Variants in UNC79 observed in about 807,000 individuals in gnomAD.
UNC79 encodes unc-79 subunit of NALCN channel complex, also known as protein unc-79 homolog.
UNC79 carries 37 observed loss-of-function variants against 283.1 expected under a neutral mutation model. The observed-to-expected ratio is 0.13, with a 90% CI of 0.10 to 0.17. UNC79 has a LOEUF of 0.17. Ranked by LOEUF, UNC79 falls within the 10% of genes least tolerant of loss-of-function variation. UNC79 has a pLI of 1.00. For synonymous variants in UNC79, 1,107 were observed against 1,200.2 expected, an observed-to-expected ratio of 0.92 and a Z score of 1.61; for missense variants, 2,272 against 3,211.1, an observed-to-expected ratio of 0.71 and a Z score of 7.07.
intron 7 of UNC79, among the ~76,000 whole-genome samples, chr14:93,506,193 G>A (rs185258929): frequency 8.8e-5 from 13 of 148,254 alleles, no homozygotes; most frequent in Admixed American, 7.4e-4. Flanking sequence ...TTTTGCCTTT[G>A]TTTCTTAAGG....
At chr14:93,515,670 G>T (rs2060020854) in intron 7 of UNC79, among the ~76,000 whole-genome samples, 1 of 151,786 alleles carries the variant, frequency 6.6e-6, no homozygotes, top group Non-Finnish European at 1.5e-5. Context: ...ACCTTCTCAG[G>T]TTTGCTTACC....
intron 1 of UNC79, among the ~76,000 whole-genome samples, chr14:93,438,107 T>C (rs1008431757): frequency 6.6e-6 from 1 of 152,190 alleles, no homozygotes; most frequent in African/African-American, 2.4e-5. Context: ...ACAATATGCA[T>C]TCCTATATGA....
chr14:93,494,681 A>T (rs2058936441), intron 5 of UNC79, among the ~76,000 whole-genome samples: 1 of 152,164 alleles, frequency 6.6e-6, no homozygotes, highest in African/African-American at 2.4e-5. Flanking sequence ...AGAATGAAAG[A>T]AATGTGGAGT....
chr14:93,433,548 A>T (rs1170499199), intron 1 of UNC79, among the ~76,000 whole-genome samples: 1 of 149,082 alleles, frequency 6.7e-6, no homozygotes, highest in Non-Finnish European at 1.5e-5. Context: ...AGGTCAGGGA[A>T]TTTTTTTTTT....
intron 46 of UNC79, 118 bp downstream of exon 49, chr14:93,692,064 G>A (rs1207797076): frequency 8.3e-7 from 1 of 1,203,564 alleles, no homozygotes; most frequent in African/African-American, 1.5e-5. Context: ...AAATGGATCG[G>A]GGATATGTTA....
intron 14 of UNC79, among the ~76,000 whole-genome samples, chr14:93,553,856 T>C (rs1173201578): frequency 6.6e-6 from 1 of 152,214 alleles, no homozygotes; most frequent in Non-Finnish European, 1.5e-5. Flanking sequence ...ACAAAATGGT[T>C]AATTAGGTCA....
intron 35 of UNC79, among the ~76,000 whole-genome samples, chr14:93,653,162 G>T (rs2070487168): frequency 1.3e-5 from 2 of 152,064 alleles, no homozygotes; most frequent in Admixed American, 6.6e-5. Context: ...TAAGGGGCAG[G>T]GCCTCATAAA....
At chr14:93,659,993 T>C (rs1266024715) in intron 39 of UNC79, among the ~76,000 whole-genome samples, 1 of 152,186 alleles carries the variant, frequency 6.6e-6, no homozygotes, top group Non-Finnish European at 1.5e-5. Context: ...CTCTCTATAG[T>C]AGCACTTACA....
intron 1 of UNC79, among the ~76,000 whole-genome samples, chr14:93,385,126 T>C (rs1225000576): frequency 6.6e-6 from 1 of 152,218 alleles, no homozygotes; most frequent in Non-Finnish European, 1.5e-5. Context: ...CCTTCAGTTT[T>C]GTTTTTGCTT....
At chr14:93,538,805 A>G (rs1371096165) in intron 12 of UNC79, among the ~76,000 whole-genome samples, 1 of 4,728 alleles carries the variant, frequency 2.1e-4, no homozygotes, top group East Asian at 0.042. Flanking sequence ...TCACATGACC[A>G]AAAAAAAAAA....
At chr14:93,468,678 T>C (rs1167176396) in intron 2 of UNC79, among the ~76,000 whole-genome samples, 2 of 152,240 alleles carry the variant, frequency 1.3e-5, no homozygotes, top group Non-Finnish European at 2.9e-5. Context: ...CGGGAAAAGC[T>C]GAATGCTTTG....
intron 4 of UNC79, among the ~76,000 whole-genome samples, chr14:93,480,565 T>A (rs1001745472): frequency 6.6e-6 from 1 of 152,184 alleles, no homozygotes; most frequent in Admixed American, 6.5e-5. Flanking sequence ...TCTTTGAAAA[T>A]AAATTGTAAT....
intron 1 of UNC79, among the ~76,000 whole-genome samples, chr14:93,356,810 G>A (rs114230753): frequency 0.02 from 2,977 of 152,202 alleles, 91 homozygotes; most frequent in African/African-American, 0.069. Context: ...CTTTATATAA[G>A]GTGAATGGAG....
chr14:93,668,597 C>A lies in UNC79; in HGVS notation c.6637-4754C>A, dbSNP rs1254425425. Among the ~76,000 whole-genome samples the A allele has an allele frequency of 5.3e-5, 8 of 151,814 alleles. No homozygotes were observed. The East Asian group carries it at 1.4e-3, about 26-fold the overall frequency. Reference sequence around the variant, plus strand: ...AAGTGGCTCATGCATGTGATCCTAGCACTTTGGGAGGTGAAGGTGGGTGGA... The same window carrying A: ...AAGTGGCTCATGCATGTGATCCTAGAACTTTGGGAGGTGAAGGTGGGTGGA... On this transcript the variant is annotated intron_variant, in intron 40 of 48. Transcript: ENST00000555664.
chr14:93,478,265 C>T (rs1325498988), intron 4 of UNC79, among the ~76,000 whole-genome samples: 1 of 152,114 alleles, frequency 6.6e-6, no homozygotes, highest in African/African-American at 2.4e-5. Context: ...TTTATGAAAG[C>T]ACTGAAAAAA....
At chr14:93,586,095 T>C (rs1435735526) in intron 20 of UNC79, among the ~76,000 whole-genome samples, 2 of 152,180 alleles carry the variant, frequency 1.3e-5, no homozygotes, top group Non-Finnish European at 2.9e-5. Flanking sequence ...TTGGCCATGC[T>C]GGTCTTGAAC....
chr14:93,381,447 G>A (rs2139989261), intron 1 of UNC79, among the ~76,000 whole-genome samples: 1 of 152,322 alleles, frequency 6.6e-6, no homozygotes, highest in South Asian at 2.1e-4. Flanking sequence ...TCCAGAGGAT[G>A]ACAGGCTGTG....
intron 8 of UNC79, among the ~76,000 whole-genome samples, chr14:93,528,130 C>G (rs1185175382): frequency 6.6e-6 from 1 of 152,156 alleles, no homozygotes; most frequent in East Asian, 1.9e-4. Flanking sequence ...ACCACTAGCA[C>G]TTTGGTATCA....
chr14:93,403,497 A>C (rs772292071), intron 1 of UNC79, among the ~76,000 whole-genome samples: 3 of 152,176 alleles, frequency 2.0e-5, no homozygotes, highest in Non-Finnish European at 2.9e-5. Flanking sequence ...CCTTTAGCTT[A>C]GTGATTTTGG....
Sources: allele counts gnomAD v4.1 joint callset (sites outside exome capture counted in the v4.1 genomes callset), GRCh38; gene constraint gnomAD v4.1.1; transcripts MANE v1.5; gene names NCBI Gene and HGNC (gene_info 2026-07-23, HGNC 2026-07-21).